The following TMEM132C variants were observed in gnomAD, a reference collection of about 807,000 sequenced individuals.
The protein encoded by TMEM132C is protein phosphatase 1, regulatory subunit 152.
In TMEM132C, 29 loss-of-function variants were observed where a neutral mutation model predicts 61.4. The observed-to-expected ratio is 0.47, with a 90% CI of 0.35 to 0.64. The LOEUF is 0.64. Ranked by LOEUF, TMEM132C falls within the 30% of genes least tolerant of loss-of-function variation. The pLI, the probability that TMEM132C is intolerant of heterozygous loss-of-function variation, is 0.00. For missense variants in TMEM132C, 1,408 were observed against 1,476.9 expected (o/e 0.95, Z 0.76); for synonymous variants, 656 against 633.1 (o/e 1.04, Z -0.54).
intron 2 of TMEM132C, among the ~76,000 whole-genome samples, chr12:128,532,210 G>A (rs148387277): frequency 5.5e-4 from 84 of 152,188 alleles, no homozygotes; most frequent in African/African-American, 1.9e-3. Flanking sequence ...CTTTCAATGT[G>A]TATTTAGGGG....
At chr12:128,525,276 G>A (rs891382396) in intron 2 of TMEM132C, among the ~76,000 whole-genome samples, 2 of 151,982 alleles carry the variant, frequency 1.3e-5, no homozygotes, top group Admixed American at 6.5e-5. Context: ...GTTTTCTGAT[G>A]TGTTTCAGGA....
At chr12:128,700,028 GAGAA>G (rs1292204644) in intron 8 of TMEM132C, among the ~76,000 whole-genome samples, 20 of 152,356 alleles carry the variant, frequency 1.3e-4, no homozygotes, top group South Asian at 4.1e-4. Flanking sequence ...AAGTGGGAGA[GAGAA>G]AGCTGAAAGC....
In TMEM132C at chr12:128,371,174, T is replaced by C. The variant is rs565192025; in HGVS notation, c.86-43558T>C. ...GGGGGCCAAGGATTGTGTTCTCATG[T>C]GAACAGAAGGTGCATTGGTGTGTGG... On this transcript the variant is annotated intron_variant, in intron 1 of 8. Coordinates refer to ENST00000435159, the MANE Select transcript of TMEM132C (RefSeq NM_001136103.3). 4.3e-4 allele frequency among the ~76,000 whole-genome samples: 65 copies of C among 152,314 alleles called. No homozygotes were observed. The Middle Eastern group carries it at 0.034, about 80-fold the overall frequency.
intron 1 of TMEM132C, among the ~76,000 whole-genome samples, chr12:128,383,749 A>T (rs190911965): frequency 1.3e-5 from 2 of 152,288 alleles, no homozygotes; most frequent in East Asian, 3.9e-4. Flanking sequence ...CCATTAATGC[A>T]GTAAGGAATC....
Position 128,468,146 on chromosome 12 carries a change from C to T in TMEM132C, c.974+52526C>T, listed in dbSNP as rs1488506074. Among the ~76,000 whole-genome samples, 6 of 152,036 alleles carry T rather than the reference C, an allele frequency of 3.9e-5. No individual in the cohort carries two copies. In the South Asian group the frequency reaches 6.2e-4, roughly 16 times the overall value. On this transcript the variant is annotated intron_variant, in intron 2 of 8. Coordinates refer to ENST00000435159, the MANE Select transcript of TMEM132C (RefSeq NM_001136103.3). Reference sequence around the variant, plus strand: ...GAATGCATGTTGAGCAGAGGGAAGGCGTTAACTGTGCAGGGCTAGCGGTCC... The same window carrying T: ...GAATGCATGTTGAGCAGAGGGAAGGTGTTAACTGTGCAGGGCTAGCGGTCC...
chr12:128,590,128 G>A lies in TMEM132C; in HGVS notation c.1122-26024G>A, dbSNP rs536180130. On this transcript the variant is annotated intron_variant, in intron 3 of 8. Coordinates refer to ENST00000435159, the MANE Select transcript of TMEM132C (RefSeq NM_001136103.3). ...CATGGGCTCTCCTGGGCTGGGCTAG[G>A]GCCAGGACACTCTGGCCACAGGCTG... 3.3e-5 allele frequency among the ~76,000 whole-genome samples: 5 copies of A among 152,334 alleles called. No homozygotes were observed. In the East Asian group the frequency reaches 5.8e-4, roughly 18 times the overall value.
chr12:128,463,058 G>A (rs1314132027), intron 2 of TMEM132C, among the ~76,000 whole-genome samples: 1 of 152,172 alleles, frequency 6.6e-6, no homozygotes, highest in African/African-American at 2.4e-5. Flanking sequence ...CATTCAAGCA[G>A]GAGGAGAGGA....
chr12:128,414,920 C>A lies in TMEM132C; in HGVS notation c.274C>A (p.Pro92Thr), dbSNP rs998788674. Residue 92 changes from proline to threonine, a missense_variant, in exon 2 of 9, where the codon CCC becomes ACC. Physicochemically the swap from Pro to Thr is conservative, Grantham distance 38. Transcript: ENST00000435159. Reference protein sequence around the residue: ...ESFFTYKTRQPPVLNASYGPF... With the variant: ...ESFFTYKTRQTPVLNASYGPF... Reference sequence around the variant, plus strand: ...CTTCTTTACCTACAAAACCAGGCAGCCCCCAGTGCTCAATGCCAGCTATGG... The same window carrying A: ...CTTCTTTACCTACAAAACCAGGCAGACCCCAGTGCTCAATGCCAGCTATGG... 6.4e-7 allele frequency: 1 copy of A among 1,551,770 alleles called. No individual in the cohort carries two copies. The highest frequency in any genetic ancestry group is 1.2e-5 in the South Asian group (1 of 84,064).
intron 5 of TMEM132C, among the ~76,000 whole-genome samples, chr12:128,672,082 T>C (rs967981216): frequency 6.6e-6 from 1 of 152,200 alleles, no homozygotes; most frequent in Non-Finnish European, 1.5e-5. Context: ...ATTAAAACTT[T>C]ACCATTTCTA....
At chr12:128,376,748 TAAA>T (rs896222303) in intron 1 of TMEM132C, among the ~76,000 whole-genome samples, 86 of 152,308 alleles carry the variant, frequency 5.6e-4, no homozygotes, top group African/African-American at 1.9e-3. Flanking sequence ...ACAGAAAACT[TAAA>T]AGAAGAAGCA....
intron 1 of TMEM132C, among the ~76,000 whole-genome samples, chr12:128,350,652 T>C (rs1873310076): frequency 6.6e-6 from 1 of 152,176 alleles, no homozygotes; most frequent in Middle Eastern, 3.4e-3. Flanking sequence ...GTCCTCTTCA[T>C]GTGGTCCAGG....
At chr12:128,411,662 G>A (rs1868555116) in intron 1 of TMEM132C, among the ~76,000 whole-genome samples, 1 of 152,090 alleles carries the variant, frequency 6.6e-6, no homozygotes, top group Admixed American at 6.5e-5. Flanking sequence ...GTGAAGAATG[G>A]TATTTAGAAA....
chr12:128,605,159 A>G (rs1005459150), intron 3 of TMEM132C, among the ~76,000 whole-genome samples: 2 of 152,046 alleles, frequency 1.3e-5, no homozygotes, highest in Non-Finnish European at 2.9e-5. Flanking sequence ...AGATACATAG[A>G]TAATGAGGAG....
intron 2 of TMEM132C, among the ~76,000 whole-genome samples, chr12:128,431,904 T>C (rs111525698): frequency 6.6e-6 from 1 of 152,234 alleles, no homozygotes; most frequent in Admixed American, 6.5e-5. Context: ...GCTAACTCTC[T>C]CCTTAGGAGC....
chr12:128,470,103 G>C (rs550189775), intron 2 of TMEM132C, among the ~76,000 whole-genome samples: 4 of 152,142 alleles, frequency 2.6e-5, no homozygotes, highest in Admixed American at 6.5e-5. Flanking sequence ...CCACTGATTT[G>C]AAGTTTCCTG....
intron 2 of TMEM132C, among the ~76,000 whole-genome samples, chr12:128,517,740 A>G (rs2136124835): frequency 6.6e-6 from 1 of 152,258 alleles, no homozygotes; most frequent in South Asian, 2.1e-4. Flanking sequence ...AAAATTCTCC[A>G]AGCTTTACCC....
chr12:128,423,467 T>A (rs1313006818), intron 2 of TMEM132C, among the ~76,000 whole-genome samples: 2 of 152,198 alleles, frequency 1.3e-5, no homozygotes, highest in East Asian at 3.8e-4. Flanking sequence ...AAGAAAGCCT[T>A]TGAAGAAATG....
chr12:128,579,143 C>T (rs1875237097), intron 3 of TMEM132C, among the ~76,000 whole-genome samples: 1 of 152,158 alleles, frequency 6.6e-6, no homozygotes, highest in Non-Finnish European at 1.5e-5. Flanking sequence ...CATCTTATAG[C>T]CTGGGGGCGA....
Position 128,407,302 on chromosome 12 carries a change from A to T in TMEM132C, c.86-7430A>T, listed in dbSNP as rs935988982. ...TCCTTTACCTTCCACCATGATTGTG[A>T]GGCCTCCCCAGCCATGTGGAACTGA... On this transcript the variant is annotated intron_variant, in intron 1 of 8. Coordinates refer to ENST00000435159, the MANE Select transcript of TMEM132C (RefSeq NM_001136103.3). 2.0e-5 allele frequency among the ~76,000 whole-genome samples: 3 copies of T among 152,316 alleles called. No individual in the cohort carries two copies. The East Asian group carries it at 5.8e-4, about 29-fold the overall frequency.
Sources: gnomAD v4.1 joint callset for allele counts (sites outside exome capture counted in the v4.1 genomes callset) on GRCh38, gnomAD v4.1.1 for gene constraint, MANE v1.5 for transcripts, NCBI Gene and HGNC (gene_info 2026-07-23, HGNC 2026-07-21) for gene names.